The following NRG2 variants were observed in gnomAD, a reference collection of about 807,000 sequenced individuals.
The protein encoded by NRG2 is pro-neuregulin-2, membrane-bound isoform.
NRG2 carries 27 observed loss-of-function variants against 73.9 expected under a neutral mutation model. That is an observed-to-expected ratio of 0.37 (90% CI 0.27 to 0.50). The LOEUF is 0.50. Ranked by LOEUF, NRG2 falls within the 20% of genes least tolerant of loss-of-function variation. NRG2 has a pLI of 0.96. For synonymous variants in NRG2, 532 were observed against 541.0 expected (o/e 0.98, Z 0.23); for missense variants, 1,126 against 1,210.1 (o/e 0.93, Z 1.03).
intron 5 of NRG2, 24 bp from the exon 6 acceptor site, chr5:139,855,802 G>T (rs1242163397): frequency 6.3e-7 from 1 of 1,593,250 alleles, no homozygotes; most frequent in East Asian, 2.2e-5. Context: ...GTAGATGTGA[G>T]GGGTGGGGCA....
chr5:139,850,382 A>ACTGTAGG (rs1195100172), intron 9 of NRG2, among the ~76,000 whole-genome samples: 2 of 152,182 alleles, frequency 1.3e-5, no homozygotes, highest in Non-Finnish European at 2.9e-5. Context: ...CTACAGTCAG[A>ACTGTAGG]CTGGGTCTCT....
intron 1 of NRG2, among the ~76,000 whole-genome samples, chr5:139,990,977 G>C (rs1259214029): frequency 6.6e-6 from 1 of 152,078 alleles, no homozygotes; most frequent in South Asian, 2.1e-4. Context: ...GCGGTCTTTT[G>C]GTATATAATA....
chr5:139,896,054 G>A (rs1725389091), intron 1 of NRG2, among the ~76,000 whole-genome samples: 1 of 152,170 alleles, frequency 6.6e-6, no homozygotes, highest in Non-Finnish European at 1.5e-5. Flanking sequence ...TGTTTCTGAA[G>A]CTCTGAGTCT....
chr5:139,996,341 GGA>G (rs1758009679), intron 1 of NRG2, among the ~76,000 whole-genome samples: 1 of 152,082 alleles, frequency 6.6e-6, no homozygotes, highest in Non-Finnish European at 1.5e-5. Context: ...CACAACATGG[GGA>G]ATACGGGAGA....
chr5:140,033,112 C>A (rs1018819096), intron 1 of NRG2, among the ~76,000 whole-genome samples: 2 of 152,190 alleles, frequency 1.3e-5, no homozygotes, highest in Non-Finnish European at 2.9e-5. Context: ...ATGATCACAT[C>A]TCTATTCCTC....
chr5:139,999,655 T>C (rs1187881427), intron 1 of NRG2, among the ~76,000 whole-genome samples: 4 of 152,206 alleles, frequency 2.6e-5, no homozygotes, highest in Non-Finnish European at 5.9e-5. Flanking sequence ...CAGTGTCCCA[T>C]GCTGAGCTCC....
At chr5:139,913,237 T>C (rs865966759) in intron 1 of NRG2, among the ~76,000 whole-genome samples, 1 of 152,174 alleles carries the variant, frequency 6.6e-6, no homozygotes, top group Non-Finnish European at 1.5e-5. Flanking sequence ...ATGTTGACCT[T>C]AATGGCCTTG....
intron 1 of NRG2, among the ~76,000 whole-genome samples, chr5:139,917,673 T>G (rs968780975): frequency 1.3e-5 from 2 of 152,250 alleles, no homozygotes; most frequent in Non-Finnish European, 2.9e-5. Flanking sequence ...TGACTCATTT[T>G]TTCCCCAGTT....
chr5:139,886,360 C>G (rs1231084147), intron 2 of NRG2, among the ~76,000 whole-genome samples: 2 of 152,204 alleles, frequency 1.3e-5, no homozygotes, highest in Non-Finnish European at 1.5e-5. Flanking sequence ...GCCTGCCCAG[C>G]CCTGGCCTTC....
intron 5 of NRG2, chr5:139,860,004 G>T (rs1456955549): frequency 2.2e-6 from 3 of 1,363,198 alleles, no homozygotes; most frequent in Non-Finnish European, 3.1e-6. Context: ...AGACAGAAAC[G>T]TTGGTCAGGA....
chr5:139,907,668 A>G (rs1765318533), intron 1 of NRG2, among the ~76,000 whole-genome samples: 1 of 152,170 alleles, frequency 6.6e-6, no homozygotes, highest in Admixed American at 6.5e-5. Context: ...TGGAAATTCA[A>G]AGGGGGCACG....
chr5:139,931,357 A>G (rs1419894522), intron 1 of NRG2, among the ~76,000 whole-genome samples: 1 of 152,242 alleles, frequency 6.6e-6, no homozygotes, highest in African/African-American at 2.4e-5. Context: ...ATAGTAGTTC[A>G]GAGAGTAACA....
chr5:139,864,372 C>CCTT (rs764091343), intron 5 of NRG2, among the ~76,000 whole-genome samples: 5 of 150,776 alleles, frequency 3.3e-5, no homozygotes, highest in Middle Eastern at 3.4e-3. Context: ...TCTTTCTTCT[C>CCTT]CTTCTTCTTC....
intron 1 of NRG2, among the ~76,000 whole-genome samples, chr5:140,030,179 A>G (rs1225232082): frequency 6.6e-6 from 1 of 152,162 alleles, no homozygotes; most frequent in African/African-American, 2.4e-5. Context: ...TTAGGCTGTT[A>G]TTTAACTTCA....
intron 1 of NRG2, among the ~76,000 whole-genome samples, chr5:139,945,706 C>T (rs1161243535): frequency 6.6e-6 from 1 of 151,718 alleles, no homozygotes; most frequent in Non-Finnish European, 1.5e-5. Context: ...TATAGAAATA[C>T]TCCTTAGTAT....
At position 139,869,009 on chromosome 5, in the gene NRG2, C is replaced by T. The variant is rs902721999; in HGVS notation, c.1112+2712G>A. Among the ~76,000 whole-genome samples the T allele has an allele frequency of 2.0e-5, 3 of 152,066 alleles. No individual in the cohort carries two copies. The highest frequency in any genetic ancestry group is 4.4e-5 in the Non-Finnish European group (3 of 67,996). On this transcript the variant is annotated intron_variant, in intron 4 of 9. Coordinates refer to ENST00000361474, the MANE Select transcript of NRG2 (RefSeq NM_004883.3). The surrounding 1 kb of genome is among the most constrained non-coding windows in gnomAD (Gnocchi z 4.5). ...GCACCAACCGTGCTCTACAAACACA[C>T]GGAGAGAAGAGGAGAAAGCAGCAAG...
intron 1 of NRG2, among the ~76,000 whole-genome samples, chr5:139,926,357 G>C (rs1013651797): frequency 6.6e-6 from 1 of 152,210 alleles, no homozygotes; most frequent in Non-Finnish European, 1.5e-5. Context: ...AGGAGGAAGT[G>C]CTGGTGTGTG....
chr5:139,900,949 C>T (rs1024123824), intron 1 of NRG2, among the ~76,000 whole-genome samples: 1 of 152,256 alleles, frequency 6.6e-6, no homozygotes, highest in African/African-American at 2.4e-5. Flanking sequence ...CCTCCAGCAA[C>T]TCAATGAGCC....
At position 139,904,824 on chromosome 5, in the gene NRG2, G is replaced by A. The variant is rs1420526005; in HGVS notation, c.701-17313C>T. Among the ~76,000 whole-genome samples the A allele has an allele frequency of 6.6e-6, 1 of 152,206 alleles. No homozygotes were observed. The highest frequency in any genetic ancestry group is 2.4e-5 in the African/African-American group (1 of 41,460). ...AGACAGCGAGGAAAGGGCCCAGGAAGGGACCAAAATGAAGCCCGCTAGCCA... is the reference window on the plus strand; with the variant it reads ...AGACAGCGAGGAAAGGGCCCAGGAAAGGACCAAAATGAAGCCCGCTAGCCA... On this transcript the variant is annotated intron_variant, in intron 1 of 9. Transcript: ENST00000361474. This position sits in a 1 kb window ranked among gnomAD's most constrained non-coding sequence, Gnocchi z 6.0.
Sources: allele counts gnomAD v4.1 joint callset (sites outside exome capture counted in the v4.1 genomes callset), GRCh38; gene constraint gnomAD v4.1.1; non-coding constraint Gnocchi (gnomAD v3.1); transcripts MANE v1.5; gene names NCBI Gene and HGNC (gene_info 2026-07-23, HGNC 2026-07-21).